Variants in NEDD9 observed in about 807,000 individuals in gnomAD.
NEDD9 encodes enhancer of filamentation 1.
In NEDD9, 26 loss-of-function variants were observed where a neutral mutation model predicts 76.6. The observed-to-expected ratio is 0.34, with a 90% CI of 0.25 to 0.47. The LOEUF is 0.47. Ranked by LOEUF, NEDD9 falls within the 20% of genes least tolerant of loss-of-function variation. The probability of loss-of-function intolerance (pLI) is 1.00; values close to 1 mark genes in which losing one functional copy is unlikely to be tolerated. For synonymous variants in NEDD9, 392 were observed against 414.2 expected (o/e 0.95, Z 0.65); for missense variants, 937 against 1,058.5 (o/e 0.89, Z 1.59).
intron 2 of NEDD9, among the ~76,000 whole-genome samples, chr6:11,333,616 G>A (rs1220862715): frequency 6.6e-6 from 1 of 152,184 alleles, no homozygotes; most frequent in Non-Finnish European, 1.5e-5. Context: ...CACACAGCCT[G>A]GAGAGGGACT....
At position 11,191,201 on chromosome 6, in the gene NEDD9, T is replaced by C. The variant is rs34044517; in HGVS notation, c.668A>G (p.Tyr223Cys). ...CCGGCAAGCAGAGGGCGGAATGGCA[T>C]ATACCTGCAAAGCAAGTAGAAAGCG... ...VYDIPPTKGV[Y>C]AIPPSACRDE... The change falls in exon 5 of 7, where the codon TAT becomes TGT. Residue 223 changes from tyrosine (Y) to cysteine (C), a missense_variant. Coordinates refer to ENST00000379446, the MANE Select transcript of NEDD9 (RefSeq NM_006403.4). 0.016 allele frequency: 26,044 copies of C among 1,587,414 alleles called. 271 individuals carry two copies. The highest frequency in any genetic ancestry group is 0.04 in the Middle Eastern group (235 of 5,914).
upstream of NEDD9, among the ~76,000 whole-genome samples, chr6:11,234,551 C>A (rs1759560583): frequency 6.6e-6 from 1 of 152,120 alleles, no homozygotes; most frequent in African/African-American, 2.4e-5. Context: ...TAGTGGCCCT[C>A]CTGCTTTCCT....
At chr6:11,331,391 T>G (rs965420381) in intron 2 of NEDD9, among the ~76,000 whole-genome samples, 53 of 135,818 alleles carry the variant, frequency 3.9e-4, no homozygotes, top group Non-Finnish European at 4.7e-4. Flanking sequence ...GGGTGGGGGG[T>G]GTGGACAGGA....
At position 11,203,172 on chromosome 6, in the gene NEDD9, G is replaced by A. The variant is rs188051178; in HGVS notation, c.460-9480C>T. Among the ~76,000 whole-genome samples, 296 of 152,324 alleles carry A rather than the reference G, an allele frequency of 1.9e-3. 3 individuals are homozygous for A. Among genetic ancestry groups the A allele is most frequent in the African/African-American group, 6.9e-3 (286 of 41,564 alleles). On this transcript the variant is annotated intron_variant, in intron 2 of 6. Coordinates refer to ENST00000379446, the MANE Select transcript of NEDD9 (RefSeq NM_006403.4). ...GAAATGACGTCTGGGTTTCACGAGT[G>A]GTTGAGGTCTTTCTCAGAACAATGC... is the stretch of plus-strand genomic sequence containing the variant.
intron 1 of NEDD9, chr6:11,214,256 A>G: frequency 2.0e-6 from 1 of 506,088 alleles, no homozygotes; most frequent in Non-Finnish European, 3.9e-6. Context: ...GGCAGGGCTT[A>G]GAAATTCTTG....
At chr6:11,325,911 C>G (rs530165506) in intron 2 of NEDD9, among the ~76,000 whole-genome samples, 1 of 152,066 alleles carries the variant, frequency 6.6e-6, no homozygotes, top group Non-Finnish European at 1.5e-5. Context: ...TTTGGGAGGC[C>G]GAGGCGGGCG....
intron 2 of NEDD9, among the ~76,000 whole-genome samples, chr6:11,327,970 G>A (rs1467666414): frequency 2.6e-5 from 4 of 152,226 alleles, no homozygotes; most frequent in African/African-American, 7.2e-5. Context: ...GCTCACCCTA[G>A]GGGGAAAATG....
Position 11,232,632 on chromosome 6 carries a change from A to G in NEDD9, c.-117T>C. ...ATGAAAGCGAGAAGGTCCCGGGCAG[A>G]GCCGCTTGTCAGTCGCAGCGCCTCC... On this transcript the variant is annotated 5_prime_UTR_variant, in exon 1 of 7. Coordinates refer to ENST00000379446, the MANE Select transcript of NEDD9 (RefSeq NM_006403.4). The G allele has an allele frequency of 6.3e-7, 1 of 1,584,800 alleles. No individual in the cohort carries two copies. The highest frequency in any genetic ancestry group is 1.8e-5 in the Admixed American group (1 of 57,020).
intron 3 of NEDD9, among the ~76,000 whole-genome samples, chr6:11,297,128 TTTTG>T (rs1196829340): frequency 2.0e-4 from 27 of 132,960 alleles, no homozygotes; most frequent in African/African-American, 7.9e-4. Flanking sequence ...GTTTAATTTG[TTTTG>T]TTTTTTTTTT....
intron 1 of NEDD9, among the ~76,000 whole-genome samples, chr6:11,232,153 T>TG (rs555675488): frequency 7.0e-4 from 107 of 152,280 alleles, no homozygotes; most frequent in African/African-American, 2.3e-3. Flanking sequence ...AAGCCAGGCC[T>TG]GGGGAAGCCA....
chr6:11,278,618 C>A (rs1209927027), intron 3 of NEDD9, among the ~76,000 whole-genome samples: 2 of 152,202 alleles, frequency 1.3e-5, no homozygotes. Flanking sequence ...TCTCTCAGAT[C>A]ATATTAACTC....
In NEDD9 at chr6:11,318,393, G is replaced by A. The variant is rs532766144; in HGVS notation, c.-152-12238C>T. 3.3e-5 allele frequency among the ~76,000 whole-genome samples: 5 copies of A among 152,312 alleles called. No homozygotes were observed. The South Asian group carries it at 8.3e-4, about 25-fold the overall frequency. ...GGGTGAGAGGAAGGTGTGGAGCGGG[G>A]GATGAGAAACACAGCCTCTGTGCTT... On this transcript the variant is annotated intron_variant, in intron 2 of 3. Transcript: ENST00000397378.
chr6:11,268,733 ACACACACACACAGAC>A (rs1760247892), intron 3 of NEDD9, among the ~76,000 whole-genome samples: 3 of 149,314 alleles, frequency 2.0e-5, no homozygotes, highest in Middle Eastern at 3.2e-3. Flanking sequence ...CATCACACAC[ACACACACACACAGAC>A]ACACACACAC....
In NEDD9 at chr6:11,191,003, G is replaced by T. The variant is rs550083116; in HGVS notation, c.866C>A (p.Pro289Gln). Residue 289 changes from proline (P) to glutamine (Q), a missense_variant, in exon 5 of 7, where the codon CCG becomes CAG. Pro to Gln is a moderately conservative substitution (Grantham distance 76). Coordinates refer to ENST00000379446, the MANE Select transcript of NEDD9 (RefSeq NM_006403.4). Reference sequence around the variant, plus strand: ...CAGGCTCTGGTGCCTTCGAGCCACCGGTTCTGCAGCTCCTGGAATGTCACA... The same window carrying T: ...CAGGCTCTGGTGCCTTCGAGCCACCTGTTCTGCAGCTCCTGGAATGTCACA... ...YNCDIPGAAEPVARRHQSLSP... is the reference protein window; with the variant it reads ...YNCDIPGAAEQVARRHQSLSP... 3.1e-6 allele frequency: 5 copies of T among 1,613,980 alleles called. No homozygotes were observed. The highest frequency in any genetic ancestry group is 2.7e-5 in the African/African-American group (2 of 74,962).
At chr6:11,264,332 T>C (rs1053848345) in intron 3 of NEDD9, among the ~76,000 whole-genome samples, 4 of 152,138 alleles carry the variant, frequency 2.6e-5, no homozygotes, top group African/African-American at 7.2e-5. Context: ...ATCAGGGCTC[T>C]GTGAGGAACC....
In NEDD9 at chr6:11,323,784, C is replaced by T. The variant is rs529132889; in HGVS notation, c.-153+10717G>A. Among the ~76,000 whole-genome samples the T allele has an allele frequency of 2.6e-5, 4 of 152,334 alleles. No homozygotes were observed. In the South Asian group the frequency reaches 8.3e-4, roughly 32 times the overall value. ...GTGGTGTTGCAAAGTCTCCCAGTTG[C>T]ACAAGGTCCTGGCGTCCTGCTCATT... On this transcript the variant is annotated intron_variant, in intron 2 of 3. Transcript: ENST00000397378.
rs1321728898 is a variant in NEDD9, at chr6:11,228,113, A to G, written c.12+4391T>C. On this transcript the variant is annotated intron_variant, in intron 1 of 6. Coordinates refer to ENST00000379446, the MANE Select transcript of NEDD9 (RefSeq NM_006403.4). Reference sequence around the variant, plus strand: ...GATAGGTGCGGGTGGGGGGCTGGGGAGTAGGGGGTTGGAAGTAAGATCTAC... The same window carrying G: ...GATAGGTGCGGGTGGGGGGCTGGGGGGTAGGGGGTTGGAAGTAAGATCTAC... Among the ~76,000 whole-genome samples, 69 of 144,758 alleles carry G rather than the reference A, an allele frequency of 4.8e-4. 1 individual carries two copies. Among genetic ancestry groups the G allele is most frequent in the African/African-American group, 1.8e-3 (69 of 38,736 alleles). The allele number at this position is 144,758 out of a possible 152,430, so 95.0% of individuals were successfully genotyped here.
At chr6:11,200,495 A>T in intron 2 of NEDD9, 1 of 1,078,004 alleles carries the variant, frequency 9.3e-7, no homozygotes, top group Non-Finnish European at 1.1e-6. Context: ...GAACAAGACA[A>T]GCAACAGTCA....
intron 1 of NEDD9, among the ~76,000 whole-genome samples, chr6:11,356,500 T>C (rs544780709): frequency 1.4e-3 from 209 of 152,352 alleles, no homozygotes; most frequent in African/African-American, 4.6e-3. Context: ...AGACACCATG[T>C]TCCCATACAT....
Sources: gnomAD v4.1 joint callset for allele counts (sites outside exome capture counted in the v4.1 genomes callset) on GRCh38, gnomAD v4.1.1 for gene constraint, MANE v1.5 for transcripts, NCBI Gene and HGNC (gene_info 2026-07-23, HGNC 2026-07-21) for gene names.